The following RFX7 variants were observed in gnomAD, a reference collection of about 807,000 sequenced individuals.
The protein encoded by RFX7 is regulatory factor X7.
Under a neutral mutation model 111.8 loss-of-function variants are expected in RFX7, and 26 were observed. The observed-to-expected ratio is 0.23, with a 90% CI of 0.17 to 0.32. RFX7 has a LOEUF of 0.32. Among genes scored for constraint, RFX7 ranks in the 10% least tolerant of loss-of-function variants. The pLI is 1.00. For missense variants in RFX7, 1,573 were observed against 1,772.9 expected, an observed-to-expected ratio of 0.89 and a Z score of 2.02; for synonymous variants, 624 against 624.4, an observed-to-expected ratio of 1.00 and a Z score of 0.01.
intron 2 of RFX7, among the ~76,000 whole-genome samples, chr15:56,234,328 A>G (rs1012981321): frequency 1.3e-4 from 20 of 152,198 alleles, no homozygotes; most frequent in Non-Finnish European, 1.6e-4. Flanking sequence ...CATTAAAACA[A>G]ATGTGTACTG....
chr15:56,123,392 G>A (rs997106885), intron 5 of RFX7, among the ~76,000 whole-genome samples: 1 of 152,140 alleles, frequency 6.6e-6, no homozygotes, highest in African/African-American at 2.4e-5. Flanking sequence ...GAGGTCTCAA[G>A]ACTCTGCCCG....
chr15:56,115,343 A>C (rs1595936790), intron 5 of RFX7, among the ~76,000 whole-genome samples: 1 of 152,166 alleles, frequency 6.6e-6, no homozygotes, highest in African/African-American at 2.4e-5. Context: ...TAAAATAACT[A>C]TTCTTTTTTT....
chr15:56,115,798 C>T (rs1200848041), intron 5 of RFX7, among the ~76,000 whole-genome samples: 3 of 151,866 alleles, frequency 2.0e-5, no homozygotes, highest in African/African-American at 4.8e-5. Context: ...AACAATTAGC[C>T]GGGCGTGGTG....
chr15:56,242,882 T>C (rs529019346), intron 2 of RFX7, among the ~76,000 whole-genome samples: 1 of 152,228 alleles, frequency 6.6e-6, no homozygotes, highest in East Asian at 1.9e-4. Flanking sequence ...CCAAAAAACT[T>C]GTTTATCTGC....
Position 56,091,396 on chromosome 15 carries a change from C to T in RFX7, c.*1949G>A, listed in dbSNP as rs1448269759. On this transcript the variant is annotated 3_prime_UTR_variant, in exon 10 of 10. Transcript: ENST00000559447. ...CCCCAGAAAGTTTGCTGGACGAATTCAACCAAATTTAAAGAGTTTGCTGCA... is the reference window on the plus strand; with the variant it reads ...CCCCAGAAAGTTTGCTGGACGAATTTAACCAAATTTAAAGAGTTTGCTGCA... The T allele has an allele frequency of 6.6e-6, 1 of 152,488 alleles. No homozygotes were observed. Among genetic ancestry groups the T allele is most frequent in the African/African-American group, 2.4e-5 (1 of 41,442 alleles). 9.4% of individuals were successfully genotyped at this position (152,488 alleles called of 1,614,324 possible).
At chr15:56,216,121 C>A (rs1222042009) in intron 2 of RFX7, among the ~76,000 whole-genome samples, 1 of 152,172 alleles carries the variant, frequency 6.6e-6, no homozygotes, top group South Asian at 2.1e-4. Flanking sequence ...ACACTCAAGG[C>A]AAGGGGAACA....
chr15:56,163,173 C>G (rs1353480941), intron 3 of RFX7, among the ~76,000 whole-genome samples: 2 of 152,008 alleles, frequency 1.3e-5, no homozygotes, highest in Non-Finnish European at 2.9e-5. Context: ...CATGCTTTCT[C>G]TTGTAAAGGG....
intron 2 of RFX7, among the ~76,000 whole-genome samples, chr15:56,229,342 T>C (rs1436316413): frequency 6.6e-6 from 1 of 152,104 alleles, no homozygotes; most frequent in African/African-American, 2.4e-5. Flanking sequence ...CTCGGCTCAC[T>C]GCGAGCTCCG....
chr15:56,220,951 C>T (rs1292936182), intron 2 of RFX7, among the ~76,000 whole-genome samples: 4 of 152,178 alleles, frequency 2.6e-5, no homozygotes, highest in African/African-American at 9.7e-5. Flanking sequence ...TTTCCCATTG[C>T]TTGTTTTTGT....
rs746927790 is a variant in RFX7, at chr15:56,095,935, T to C, written c.1793A>G (p.Gln598Arg). Residue 598 changes from glutamine (Q) to arginine (R), a missense_variant, in exon 10 of 10, where the codon CAG becomes CGG. Transcript: ENST00000559447. ...IEIKATKVCDQRTKCKSRCNE... is the reference protein window; with the variant it reads ...IEIKATKVCDRRTKCKSRCNE... ...ACAGCGACTTTTACATTTGGTCCTC[T>C]GGTCACAGACCTTAGTTGCTTTTAT... 2.5e-6 allele frequency: 4 copies of C among 1,606,888 alleles called. No homozygotes were observed. Among genetic ancestry groups the C allele is most frequent in the Non-Finnish European group, 3.4e-6 (4 of 1,179,796 alleles).
chr15:56,193,470 A>G (rs1412056920), intron 2 of RFX7, among the ~76,000 whole-genome samples: 3 of 152,200 alleles, frequency 2.0e-5, no homozygotes, highest in Non-Finnish European at 4.4e-5. Context: ...ATGATTGTTG[A>G]TAATTGATAA....
intron 3 of RFX7, among the ~76,000 whole-genome samples, chr15:56,175,570 T>C (rs1196094945): frequency 6.6e-6 from 1 of 152,078 alleles, no homozygotes; most frequent in Non-Finnish European, 1.5e-5. Flanking sequence ...AATAAGAGCC[T>C]AGAAAAACAC....
intron 5 of RFX7, among the ~76,000 whole-genome samples, chr15:56,129,178 C>A (rs1256616668): frequency 6.6e-6 from 1 of 152,060 alleles, no homozygotes; most frequent in East Asian, 1.9e-4. Flanking sequence ...GAGTTTGAGA[C>A]CAGCCTTGCC....
At chr15:56,204,632 T>C (rs1216153674) in intron 2 of RFX7, among the ~76,000 whole-genome samples, 2 of 152,186 alleles carry the variant, frequency 1.3e-5, no homozygotes, top group African/African-American at 4.8e-5. Flanking sequence ...GAACACCTTT[T>C]TGATTTGATC....
intron 2 of RFX7, among the ~76,000 whole-genome samples, chr15:56,231,895 G>T (rs903582635): frequency 6.6e-6 from 1 of 152,172 alleles, no homozygotes; most frequent in East Asian, 1.9e-4. Context: ...AAGGCCCCAT[G>T]CAAGTCCCAA....
At chr15:56,207,976 T>C (rs144224846) in intron 2 of RFX7, among the ~76,000 whole-genome samples, 1,618 of 152,172 alleles carry the variant, frequency 0.011, 29 homozygotes, top group African/African-American at 0.037. Context: ...AAACAAACTA[T>C]AACTGATGAA....
At chr15:56,167,428 C>T (rs1478863650) in intron 3 of RFX7, among the ~76,000 whole-genome samples, 1 of 152,172 alleles carries the variant, frequency 6.6e-6, no homozygotes, top group Non-Finnish European at 1.5e-5. Flanking sequence ...GAAACTTACA[C>T]TCAGCTGGGT....
At chr15:56,144,560 T>C in intron 3 of RFX7, 77 bp from the exon 4 acceptor site, 3 of 602,936 alleles carry the variant, frequency 5.0e-6, no homozygotes, top group South Asian at 1.6e-5. Context: ...TACTAACATC[T>C]CCCTAAACGA....
chr15:56,193,221 A>G (rs1205960427), intron 2 of RFX7: 2 of 164,550 alleles, frequency 1.2e-5, no homozygotes, highest in Non-Finnish European at 2.7e-5. Flanking sequence ...GGTTGTGGAC[A>G]AGGAAGACAA....
Sources: gnomAD v4.1 joint callset for allele counts (sites outside exome capture counted in the v4.1 genomes callset) on GRCh38, gnomAD v4.1.1 for gene constraint, MANE v1.5 for transcripts, NCBI Gene and HGNC (gene_info 2026-07-23, HGNC 2026-07-21) for gene names.